Variants in TENM1 observed in about 807,000 individuals in gnomAD.
TENM1 encodes teneurin transmembrane protein 1.
TENM1 carries 35 observed loss-of-function variants against 174.8 expected under a neutral mutation model. The ratio of observed to expected loss-of-function variants is 0.20; its 90% CI spans 0.15 to 0.27. TENM1 has a LOEUF of 0.27. Ranked by LOEUF, TENM1 falls within the 10% of genes least tolerant of loss-of-function variation. TENM1 has a pLI of 1.00. For synonymous variants in TENM1, 781 were observed against 798.7 expected (o/e 0.98, Z 0.37); for missense variants, 1,633 against 2,130.1 (o/e 0.77, Z 4.59).
At chrX:124,478,808 G>A (rs2046787062) in intron 22 of TENM1, among the ~76,000 whole-genome samples, 1 of 111,868 alleles carries the variant, frequency 8.9e-6, no homozygotes, top group South Asian at 3.7e-4. Context: ...TGATGTACAG[G>A]GTAGTTTTAA....
the TENM1 span, among the ~76,000 whole-genome samples, chrX:125,141,860 G>T: frequency 9.0e-6 from 1 of 110,643 alleles, no homozygotes; most frequent in Non-Finnish European, 1.9e-5. Context: ...CTGGAGAAAG[G>T]GTATGAGCAT....
chrX:124,990,701 G>A, the TENM1 span, among the ~76,000 whole-genome samples: 15 of 112,302 alleles, frequency 1.3e-4, no homozygotes, highest in African/African-American at 4.8e-4. Context: ...ATATAGGAGG[G>A]ATGACACATT....
rs184172735 is a variant in TENM1, at chrX:124,782,062, C to T, written c.536-44865G>A. ...CTCATGATCTTTGCTCTCCTCCTTT[C>T]CTCTAGCTTGATGTAGACAAACATG... is the stretch of plus-strand genomic sequence containing the variant. On this transcript the variant is annotated intron_variant, in intron 3 of 31. Transcript: ENST00000422452. Among the ~76,000 whole-genome samples, 126 of 111,255 alleles carry T rather than the reference C, an allele frequency of 1.1e-3. 1 individual carries two copies. Among genetic ancestry groups the T allele is most frequent in the East Asian group, 2.3e-3 (8 of 3,517 alleles).
At chrX:124,779,051 T>C (rs933885365) in intron 3 of TENM1, among the ~76,000 whole-genome samples, 1 of 111,477 alleles carries the variant, frequency 9.0e-6, no homozygotes, top group African/African-American at 3.3e-5. Flanking sequence ...CTAGGGATCG[T>C]AGAGGATAAT....
chrX:124,421,780 G>A (rs986885006), intron 24 of TENM1, among the ~76,000 whole-genome samples: 1 of 111,565 alleles, frequency 9.0e-6, no homozygotes, highest in Non-Finnish European at 1.9e-5. Context: ...TCTGTTCTTA[G>A]TCCCTTTGAG....
At chrX:125,090,925 A>G in the TENM1 span, among the ~76,000 whole-genome samples, 2 of 111,930 alleles carry the variant, frequency 1.8e-5, no homozygotes, top group African/African-American at 6.5e-5. Flanking sequence ...AAATTACATT[A>G]TAACACTTCA....
chrX:124,832,880 G>A (rs1359367082), intron 3 of TENM1, among the ~76,000 whole-genome samples: 1 of 112,462 alleles, frequency 8.9e-6, no homozygotes, highest in African/African-American at 3.2e-5. Flanking sequence ...CAGCCAGAAA[G>A]CCTTTGAAAC....
chrX:124,742,524 A>C (rs747969427), intron 3 of TENM1, among the ~76,000 whole-genome samples: 1 of 111,549 alleles, frequency 9.0e-6, no homozygotes, highest in South Asian at 3.8e-4. Flanking sequence ...GGACATTTAT[A>C]GTCTTCATTT....
At chrX:125,137,940 C>A in the TENM1 span, among the ~76,000 whole-genome samples, 1 of 111,899 alleles carries the variant, frequency 8.9e-6, no homozygotes, top group Non-Finnish European at 1.9e-5. Flanking sequence ...ATATATAACT[C>A]ATGATTAATA....
At chrX:124,451,753 CA>C (rs1319165772) in intron 23 of TENM1, among the ~76,000 whole-genome samples, 2 of 111,583 alleles carry the variant, frequency 1.8e-5, no homozygotes, top group African/African-American at 6.5e-5. Flanking sequence ...ACAAACCTGA[CA>C]AAAACAAGAA....
intron 11 of TENM1, among the ~76,000 whole-genome samples, chrX:124,638,078 AT>A (rs1287529303): frequency 6.3e-5 from 7 of 111,011 alleles, no homozygotes; most frequent in African/African-American, 2.3e-4. Context: ...TAGGGCTATC[AT>A]TTTTTTCCCT....
At chrX:124,648,008 T>C (rs933038611) in intron 8 of TENM1, among the ~76,000 whole-genome samples, 5 of 111,551 alleles carry the variant, frequency 4.5e-5, no homozygotes, top group Non-Finnish European at 9.4e-5. Flanking sequence ...GAATTTATAA[T>C]GAGGGTCGAG....
At chrX:124,484,667 G>A (rs1314951690) in intron 21 of TENM1, among the ~76,000 whole-genome samples, 1 of 110,843 alleles carries the variant, frequency 9.0e-6, no homozygotes, top group South Asian at 3.9e-4. Flanking sequence ...CCATCAATGA[G>A]GGATTTTTTT....
exon 30 of TENM1, chrX:124,384,028 C>T: frequency 8.3e-7 from 1 of 1,211,621 alleles, no homozygotes; most frequent in African/African-American, 1.7e-5. Flanking sequence ...GATCATAATA[C>T]AGAGATGTAA....
chrX:124,725,258 T>A (rs1385178293), intron 4 of TENM1, among the ~76,000 whole-genome samples: 1 of 111,357 alleles, frequency 9.0e-6, no homozygotes, highest in African/African-American at 3.3e-5. Context: ...TACTAGATTG[T>A]AAGCTCATTA....
At chrX:125,198,396 AT>A in the TENM1 span, among the ~76,000 whole-genome samples, 2 of 111,671 alleles carry the variant, frequency 1.8e-5, no homozygotes, top group Non-Finnish European at 3.8e-5. Flanking sequence ...GAAAGAACAT[AT>A]TTTTTCAATG....
intron 25 of TENM1, among the ~76,000 whole-genome samples, chrX:124,416,753 C>A (rs890993504): frequency 9.0e-6 from 1 of 111,716 alleles, no homozygotes; most frequent in Admixed American, 9.5e-5. Flanking sequence ...CTGAATTTGT[C>A]CCCCTAAATT....
chrX:124,428,560 G>C (rs1056630358), intron 23 of TENM1, among the ~76,000 whole-genome samples: 1 of 111,693 alleles, frequency 9.0e-6, no homozygotes, highest in African/African-American at 3.3e-5. Flanking sequence ...GGCAAATGAG[G>C]TATATTCTAC....
intron 3 of TENM1, among the ~76,000 whole-genome samples, chrX:124,831,690 C>T (rs183504951): frequency 3.5e-4 from 39 of 112,047 alleles, no homozygotes; most frequent in African/African-American, 1.2e-3. Flanking sequence ...ATCCTGAGAA[C>T]TAATAACGTA....
Sources: allele counts gnomAD v4.1 joint callset (sites outside exome capture counted in the v4.1 genomes callset), GRCh38; gene constraint gnomAD v4.1.1; transcripts MANE v1.5; gene names NCBI Gene and HGNC (gene_info 2026-07-23, HGNC 2026-07-21).